Variants in RPTOR observed in about 807,000 individuals in gnomAD.
RPTOR encodes the protein regulatory-associated protein of mTOR.
Under a neutral mutation model 169.9 loss-of-function variants are expected in RPTOR, and 21 were observed. That is an observed-to-expected ratio of 0.12 (90% CI 0.09 to 0.18). RPTOR has a LOEUF of 0.18. Among genes scored for constraint, RPTOR ranks in the 10% least tolerant of loss-of-function variants. The pLI, the probability that RPTOR is intolerant of heterozygous loss-of-function variation, is 1.00. For synonymous variants in RPTOR, 732 were observed against 753.2 expected (o/e 0.97, Z 0.46); for missense variants, 1,133 against 1,855.9 (o/e 0.61, Z 7.16).
At chr17:80,832,106 C>A (rs2067511865) in intron 9 of RPTOR, among the ~76,000 whole-genome samples, 1 of 152,194 alleles carries the variant, frequency 6.6e-6, no homozygotes, top group Non-Finnish European at 1.5e-5. Context: ...GAGACACCGG[C>A]TGGGTTAGTG....
intron 9 of RPTOR, among the ~76,000 whole-genome samples, chr17:80,832,628 T>A (rs1448569467): frequency 6.6e-6 from 1 of 152,110 alleles, no homozygotes; most frequent in Non-Finnish European, 1.5e-5. Flanking sequence ...TGTTACTAGA[T>A]TTTGCCAACT....
chr17:80,848,393 T>C (rs994575612), intron 11 of RPTOR, among the ~76,000 whole-genome samples: 4 of 152,250 alleles, frequency 2.6e-5, no homozygotes, highest in Non-Finnish European at 5.9e-5. Flanking sequence ...GTTATTACTG[T>C]TCTTCCTGTA....
chr17:80,675,399 C>T (rs1368324133), intron 3 of RPTOR, among the ~76,000 whole-genome samples: 2 of 152,214 alleles, frequency 1.3e-5, no homozygotes, highest in Non-Finnish European at 2.9e-5. Context: ...TTCTATCACA[C>T]CCGGGTCAAG....
chr17:80,787,794 C>T (rs971931165), intron 6 of RPTOR, among the ~76,000 whole-genome samples: 3 of 152,126 alleles, frequency 2.0e-5, no homozygotes, highest in Admixed American at 1.3e-4. Flanking sequence ...CGTTCAGTGG[C>T]CATAGTTATG....
At chr17:80,599,178 A>G (rs1452157016) in intron 1 of RPTOR, among the ~76,000 whole-genome samples, 1 of 152,162 alleles carries the variant, frequency 6.6e-6, no homozygotes, top group Non-Finnish European at 1.5e-5. Context: ...ACCAGGTTAT[A>G]AAAGGCTCTC....
At chr17:80,683,402 G>A (rs2065912816) in intron 3 of RPTOR, among the ~76,000 whole-genome samples, 1 of 152,198 alleles carries the variant, frequency 6.6e-6, no homozygotes, top group African/African-American at 2.4e-5. Flanking sequence ...TTTGTCCCAT[G>A]ATTGGCCATA....
In RPTOR at chr17:80,659,506, T is replaced by TTTTA. The variant is rs2065704954; in HGVS notation, c.348+15708_348+15711dup. Among the ~76,000 whole-genome samples the TTTTA allele has an allele frequency of 6.6e-6, 1 of 152,028 alleles. No individual in the cohort carries two copies. Among genetic ancestry groups the TTTTA allele is most frequent in the Non-Finnish European group, 1.5e-5 (1 of 67,954 alleles). ...GACACCATACCTGGCTAATTTTTAT[T>TTTTA]TTTATTTATTTATTTTTTTTCAGTT... On this transcript the variant is annotated intron_variant, in intron 3 of 33. Coordinates refer to ENST00000306801, the MANE Select transcript of RPTOR (RefSeq NM_020761.3). This position sits in a 1 kb window ranked among gnomAD's most constrained non-coding sequence, Gnocchi z 4.3.
intron 7 of RPTOR, among the ~76,000 whole-genome samples, chr17:80,791,858 C>A (rs1031321839): frequency 6.6e-6 from 1 of 152,188 alleles, no homozygotes; most frequent in Non-Finnish European, 1.5e-5. Context: ...CTAGCTCTTA[C>A]CTTATTTTCT....
chr17:80,964,481 C>T lies in RPTOR; in HGVS notation c.*151C>T, dbSNP rs1441058563. The stretch of plus-strand genomic sequence containing the variant: ...TGATGACGGCAGGAGGGCCCTGCTA[C>T]TCGCTTTTGTCTGTCTTCGCTGTCG... On this transcript the variant is annotated 3_prime_UTR_variant, in exon 34 of 34. Coordinates refer to ENST00000306801, the MANE Select transcript of RPTOR (RefSeq NM_020761.3). The T allele has an allele frequency of 2.8e-6, 2 of 726,830 alleles. No homozygotes were observed. Among genetic ancestry groups the T allele is most frequent in the Non-Finnish European group, 4.7e-6 (2 of 428,120 alleles). The allele number at this position is 726,830 out of a possible 1,614,324, so 45.0% of individuals were successfully genotyped here. A position where few individuals can be genotyped will look rare whatever the true frequency, so the allele number is the denominator to read the frequency against.
rs928799347 is a variant in RPTOR at position 80,859,819 on chromosome 17, G to A, written c.1509+1919G>A. ...ATATGCAAAGTCTCTTAATTCCTAA[G>A]TCCCCTGTGAAGTTAGCTTGAATTT... On this transcript the variant is annotated intron_variant, in intron 13 of 33. Transcript: ENST00000306801. Among the ~76,000 whole-genome samples the A allele has an allele frequency of 3.3e-5, 5 of 152,352 alleles. No individual in the cohort carries two copies. In the East Asian group the frequency reaches 5.8e-4, roughly 18 times the overall value.
rs376002817 is a variant in RPTOR at position 80,744,539 on chromosome 17, A to T, written c.655-9471A>T. Among the ~76,000 whole-genome samples the T allele has an allele frequency of 1.8e-3, 88 of 48,664 alleles. 4 individuals are homozygous for T. The highest frequency in any genetic ancestry group is 3.0e-3 in the African/African-American group (46 of 15,268). The allele number at this position is 48,664 out of a possible 152,430, so 31.9% of individuals were successfully genotyped here. ...CGAGCACAGCCCTGGCTACTAGCAC[A>T]GCCCTGGCTACTAGCACTGTCCTGG... On this transcript the variant is annotated intron_variant, in intron 5 of 33. Coordinates refer to ENST00000306801, the MANE Select transcript of RPTOR (RefSeq NM_020761.3).
rs117597434 is a variant in RPTOR, at chr17:80,814,680, A to G, written c.891-7521A>G. Among the ~76,000 whole-genome samples the G allele has an allele frequency of 9.4e-3, 1,438 of 152,260 alleles. 20 individuals carry two copies. Among genetic ancestry groups the G allele is most frequent in the Non-Finnish European group, 0.011 (765 of 68,018 alleles). The stretch of plus-strand genomic sequence containing the variant: ...CTGTATTCAACGTTTCATGCCATCA[A>G]ATATGTACACGGCATCTGTTCTGTA... On this transcript the variant is annotated intron_variant, in intron 7 of 33. Coordinates refer to ENST00000306801, the MANE Select transcript of RPTOR (RefSeq NM_020761.3).
intron 3 of RPTOR, among the ~76,000 whole-genome samples, chr17:80,657,964 CT>C (rs1273581331): frequency 1.3e-5 from 2 of 152,108 alleles, no homozygotes; most frequent in Non-Finnish European, 2.9e-5. Context: ...AATACATAAG[CT>C]ACATATTTGT....
chr17:80,946,842 G>C (rs2069110008), intron 26 of RPTOR, among the ~76,000 whole-genome samples: 1 of 152,226 alleles, frequency 6.6e-6, no homozygotes, highest in African/African-American at 2.4e-5. Context: ...GCCCAGAGTG[G>C]AATTGCTGGA....
chr17:80,649,902 G>T (rs966586800), intron 3 of RPTOR, among the ~76,000 whole-genome samples: 2 of 152,122 alleles, frequency 1.3e-5, no homozygotes, highest in Non-Finnish European at 2.9e-5. Context: ...CGCACTTCCT[G>T]CCTTGCCCTG....
At chr17:80,799,953 A>G (rs1173124402) in intron 7 of RPTOR, among the ~76,000 whole-genome samples, 2 of 152,154 alleles carry the variant, frequency 1.3e-5, no homozygotes, top group Non-Finnish European at 2.9e-5. Context: ...GCCATCTGAG[A>G]GGATGTACCC....
chr17:80,857,802 G>A lies in RPTOR; in HGVS notation c.1411G>A (p.Gly471Ser). The change falls in exon 13 of 34, where the codon GGC becomes AGC. Residue 471 changes from glycine (G) to serine (S), a missense_variant. Physicochemically the swap from Gly to Ser is moderately conservative, Grantham distance 56. Transcript: ENST00000306801. ...PWAVSLALSV[G>S]IFPYVLKLLQ... ...CCCTCGCCCCCAGGCCTTGTCTGTC[G>A]GCATCTTCCCCTACGTGCTGAAGCT... 6.2e-7 allele frequency: 1 copy of A among 1,610,172 alleles called. No homozygotes were observed. The highest frequency in any genetic ancestry group is 8.5e-7 in the Non-Finnish European group (1 of 1,179,632).
intron 6 of RPTOR, among the ~76,000 whole-genome samples, chr17:80,782,788 C>G (rs1015002659): frequency 6.6e-6 from 1 of 152,238 alleles, no homozygotes; most frequent in African/African-American, 2.4e-5. Flanking sequence ...TTCCTTCAGG[C>G]AGCCTGAGTA....
rs908980884 is a variant in RPTOR, at chr17:80,646,868, A to T, written c.348+3058A>T. 6.6e-6 allele frequency among the ~76,000 whole-genome samples: 1 copy of T among 152,116 alleles called. No homozygotes were observed. The highest frequency in any genetic ancestry group is 2.4e-5 in the African/African-American group (1 of 41,422). ...AGTCGTTGCCTCCACGCTGGCATGG[A>T]TGGGAGCAGAGTAGGAAATGCCTGT... On this transcript the variant is annotated intron_variant, in intron 3 of 33. Coordinates refer to ENST00000306801, the MANE Select transcript of RPTOR (RefSeq NM_020761.3). The surrounding 1 kb of genome is among the most constrained non-coding windows in gnomAD (Gnocchi z 5.0).
Sources: allele counts gnomAD v4.1 joint callset (sites outside exome capture counted in the v4.1 genomes callset), GRCh38; gene constraint gnomAD v4.1.1; non-coding constraint Gnocchi (gnomAD v3.1); transcripts MANE v1.5; gene names NCBI Gene and HGNC (gene_info 2026-07-23, HGNC 2026-07-21).